Variants in RARB observed in about 807,000 individuals in gnomAD.
RARB encodes retinoic acid receptor beta, also known as HBV-activated protein.
Under a neutral mutation model 51.9 loss-of-function variants are expected in RARB, and 17 were observed. The ratio of observed to expected loss-of-function variants is 0.33; its 90% confidence interval spans 0.22 to 0.49. RARB has a LOEUF of 0.49. RARB is among the 20% of genes least tolerant of loss of function. RARB has a pLI of 0.99. For synonymous variants in RARB, 215 were observed against 195.4 expected (o/e 1.10, Z -0.84); for missense variants, 369 against 550.8 (o/e 0.67, Z 3.30).
At chr3:25,109,180 C>T (rs978511132) in intron 3 of RARB, among the ~76,000 whole-genome samples, 2 of 152,124 alleles carry the variant, frequency 1.3e-5, no homozygotes, top group African/African-American at 4.8e-5. Flanking sequence ...GGTATAGTTA[C>T]CTCATATAAT....
At chr3:25,303,990 C>T (rs972037006) in intron 5 of RARB, among the ~76,000 whole-genome samples, 3 of 152,078 alleles carry the variant, frequency 2.0e-5, no homozygotes, top group Non-Finnish European at 4.4e-5. Context: ...CTGAACGGCC[C>T]CAAAGCTCCA....
At chr3:24,995,624 C>T (rs957325427) in intron 2 of RARB, among the ~76,000 whole-genome samples, 3 of 151,912 alleles carry the variant, frequency 2.0e-5, no homozygotes, top group African/African-American at 7.2e-5. Context: ...TGGGCTTTAT[C>T]ATATTCAAGC....
intron 3 of RARB, among the ~76,000 whole-genome samples, chr3:25,080,173 G>A (rs1212605827): frequency 6.6e-6 from 1 of 152,166 alleles, no homozygotes; most frequent in Non-Finnish European, 1.5e-5. Context: ...TTTCATAAAA[G>A]TAGAATCATA....
rs527529104 is a variant in RARB at position 25,562,008 on chromosome 3, T to A, written c.449-7750T>A. Among the ~76,000 whole-genome samples the A allele has an allele frequency of 5.6e-4, 64 of 113,924 alleles. 2 individuals carry two copies. The South Asian group carries it at 0.014, about 24-fold the overall frequency. The allele number at this position is 113,924 out of a possible 152,430, so 74.7% of individuals were successfully genotyped here. On this transcript the variant is annotated intron_variant, in intron 3 of 7. Coordinates refer to ENST00000330688, the MANE Select transcript of RARB (RefSeq NM_000965.5). ...GAGTGTGCTTGTATCCCTGCTCAAC[T>A]TTTTTACCCTGCTCAACTTTTTTAC...
At chr3:25,202,402 A>G (rs189887229) in intron 5 of RARB, among the ~76,000 whole-genome samples, 3 of 151,534 alleles carry the variant, frequency 2.0e-5, no homozygotes. Flanking sequence ...GGATTCTTTG[A>G]TTTTTTGAAG....
intron 4 of RARB, among the ~76,000 whole-genome samples, chr3:25,149,968 G>A (rs1185023999): frequency 1.3e-5 from 2 of 152,092 alleles, no homozygotes; most frequent in African/African-American, 4.8e-5. Context: ...TTGAGAGGCC[G>A]AGGTAGGTGG....
chr3:25,589,331 G>T (rs1456453573), intron 5 of RARB, among the ~76,000 whole-genome samples: 4 of 152,178 alleles, frequency 2.6e-5, no homozygotes, highest in Non-Finnish European at 4.4e-5. Flanking sequence ...AGGAAAGGAG[G>T]AGTAGTTAAA....
chr3:25,144,443 T>C (rs1410681859), intron 4 of RARB, among the ~76,000 whole-genome samples: 1 of 152,116 alleles, frequency 6.6e-6, no homozygotes, highest in Non-Finnish European at 1.5e-5. Flanking sequence ...CATAGAGTGG[T>C]AAGGGAGAAG....
chr3:25,520,121 T>A (rs180757537), intron 3 of RARB, among the ~76,000 whole-genome samples: 61 of 152,336 alleles, frequency 4.0e-4, no homozygotes, highest in Non-Finnish European at 7.3e-5. Context: ...GTTGAGTAGT[T>A]GTCACAGAGG....
intron 2 of RARB, among the ~76,000 whole-genome samples, chr3:25,468,450 C>T (rs958680994): frequency 4.7e-5 from 7 of 149,076 alleles, no homozygotes; most frequent in Non-Finnish European, 3.0e-5. Flanking sequence ...GCTCCGTGAC[C>T]CACATTTTAT....
intron 1 of RARB, among the ~76,000 whole-genome samples, chr3:24,835,197 T>C (rs1463625066): frequency 1.3e-5 from 2 of 152,222 alleles, no homozygotes; most frequent in Admixed American, 6.5e-5. Flanking sequence ...GTCAAACTTA[T>C]ATCAAGAAGT....
At chr3:24,992,183 A>G (rs1315864951) in intron 2 of RARB, among the ~76,000 whole-genome samples, 2 of 152,200 alleles carry the variant, frequency 1.3e-5, no homozygotes, top group Non-Finnish European at 2.9e-5. Context: ...TGGAAGAAGT[A>G]GAATTAAGTT....
At chr3:25,534,028 C>CT (rs1230405946) in intron 3 of RARB, among the ~76,000 whole-genome samples, 1 of 152,192 alleles carries the variant, frequency 6.6e-6, no homozygotes, top group Non-Finnish European at 1.5e-5. Flanking sequence ...TTAAGAAATG[C>CT]TTTTACTATG....
At chr3:25,271,454 C>A (rs928045022) in intron 5 of RARB, among the ~76,000 whole-genome samples, 3 of 152,188 alleles carry the variant, frequency 2.0e-5, no homozygotes, top group Non-Finnish European at 4.4e-5. Context: ...AATTTAGTCA[C>A]GTTCCTTGGC....
chr3:25,011,026 T>G (rs1697383416), intron 2 of RARB, among the ~76,000 whole-genome samples: 1 of 152,158 alleles, frequency 6.6e-6, no homozygotes, highest in Non-Finnish European at 1.5e-5. Flanking sequence ...TTCACATTTT[T>G]AAATGGAATC....
At chr3:24,875,427 T>C (rs1703024772) in intron 2 of RARB, among the ~76,000 whole-genome samples, 1 of 152,168 alleles carries the variant, frequency 6.6e-6, no homozygotes, top group African/African-American at 2.4e-5. Flanking sequence ...AAGTTCCTTA[T>C]GTACTTTAGC....
At chr3:25,170,330 C>G (rs1700623210) in intron 4 of RARB, among the ~76,000 whole-genome samples, 2 of 152,272 alleles carry the variant, frequency 1.3e-5, no homozygotes, top group African/African-American at 4.8e-5. Context: ...AATTTGCCAA[C>G]CTCACGTCTA....
intron 5 of RARB, among the ~76,000 whole-genome samples, chr3:25,284,949 C>G (rs1039114223): frequency 2.0e-5 from 3 of 152,142 alleles, no homozygotes; most frequent in Admixed American, 2.0e-4. Flanking sequence ...TCTGCAGTTA[C>G]CAAATGTCCT....
At chr3:25,167,716 C>A (rs547730177) in intron 4 of RARB, among the ~76,000 whole-genome samples, 21 of 152,270 alleles carry the variant, frequency 1.4e-4, no homozygotes, top group African/African-American at 5.1e-4. Flanking sequence ...TTACTGAGTT[C>A]TAGACACCAA....
Sources: allele counts gnomAD v4.1 joint callset (sites outside exome capture counted in the v4.1 genomes callset), GRCh38; gene constraint gnomAD v4.1.1; transcripts MANE v1.5; gene names NCBI Gene and HGNC (gene_info 2026-07-23, HGNC 2026-07-21).